Variants in CHST11 observed in about 807,000 individuals in gnomAD.
CHST11 encodes carbohydrate sulfotransferase 11.
CHST11 carries 9 observed loss-of-function variants against 30.4 expected under a neutral mutation model. That is an observed-to-expected ratio of 0.30 (90% confidence interval 0.18 to 0.52). The LOEUF (loss-of-function observed/expected upper bound fraction) is 0.52. CHST11 is among the 20% of genes least tolerant of loss of function. The pLI is 0.97. For missense variants in CHST11, 348 were observed against 460.6 expected (o/e 0.76, Z 2.24); for synonymous variants, 152 against 187.8 (o/e 0.81, Z 1.56).
intron 1 of CHST11, among the ~76,000 whole-genome samples, chr12:104,475,691 T>TATATATATATATATATA (rs6144846): frequency 9.9e-4 from 126 of 127,722 alleles, no homozygotes; most frequent in East Asian, 1.5e-3. Flanking sequence ...TATATATATA[T>TATATATATATATATATA]TTCTGATTAT....
intron 2 of CHST11, among the ~76,000 whole-genome samples, chr12:104,685,280 A>G (rs1246476418): frequency 6.6e-6 from 1 of 152,176 alleles, no homozygotes; most frequent in African/African-American, 2.4e-5. Context: ...TTTTTATTCA[A>G]TTTGGCTTGA....
intron 2 of CHST11, among the ~76,000 whole-genome samples, chr12:104,647,161 GC>G (rs1342017526): frequency 3.3e-5 from 5 of 152,194 alleles, no homozygotes; most frequent in Non-Finnish European, 7.3e-5. Context: ...GCAAGTGGAG[GC>G]TCCTGAAGGT....
chr12:104,730,111 G>C (rs924003219), intron 2 of CHST11, among the ~76,000 whole-genome samples: 3 of 152,210 alleles, frequency 2.0e-5, no homozygotes, highest in African/African-American at 7.2e-5. Context: ...CTAGGGCCTT[G>C]TACTCACTGG....
chr12:104,757,876 AT>A lies in CHST11; in HGVS notation c.*75del. ...TATTTGTCAAAAGAATTATATGGAT[AT>A]TGGGTTATTTTGTAAATTAATATTT... On this transcript the variant is annotated 3_prime_UTR_variant, in exon 3 of 3. Transcript: ENST00000303694. The surrounding 1 kb of genome is among the most constrained non-coding windows in gnomAD (Gnocchi z 6.5). 7.2e-7 allele frequency: 1 copy of A among 1,385,698 alleles called. No individual in the cohort carries two copies. The highest frequency in any genetic ancestry group is 1.4e-5 in the South Asian group (1 of 72,088). 85.8% of individuals were successfully genotyped at this position (1,385,698 alleles called of 1,614,324 possible).
At chr12:104,513,139 T>TGGGGGGGGGGGGGGG (rs1565969846) in intron 1 of CHST11, among the ~76,000 whole-genome samples, 6 of 2,928 alleles carry the variant, frequency 2.0e-3, no homozygotes, top group African/African-American at 4.5e-3. Context: ...GGGGGGGGGT[T>TGGGGGGGGGGGGGGG]GGGGGTGGGG....
At position 104,666,097 on chromosome 12, in the gene CHST11, T is replaced by C. The variant is rs376506353; in HGVS notation, c.204+64106T>C. Among the ~76,000 whole-genome samples, 132 of 152,192 alleles carry C rather than the reference T, an allele frequency of 8.7e-4. 1 individual carries two copies. The highest frequency in any genetic ancestry group is 2.8e-3 in the African/African-American group (115 of 41,522). On this transcript the variant is annotated intron_variant, in intron 2 of 2. Transcript: ENST00000303694. ...CCTCCCAAAGTGCTGGGATTACAGGTGTGAGCCACCGCACCCGGCCTCTTT... is the reference window on the plus strand; with the variant it reads ...CCTCCCAAAGTGCTGGGATTACAGGCGTGAGCCACCGCACCCGGCCTCTTT...
Position 104,483,221 on chromosome 12 carries a change from G to T in CHST11, c.118+25692G>T, listed in dbSNP as rs375630857. ...CTCCCCATGCATTTGGTTGTTTTTT[G>T]TTGAGATGGAGTCTTGCTCTGTCGC... On this transcript the variant is annotated intron_variant, in intron 1 of 2. Coordinates refer to ENST00000303694, the MANE Select transcript of CHST11 (RefSeq NM_018413.6). Among the ~76,000 whole-genome samples the T allele has an allele frequency of 2.6e-5, 4 of 151,954 alleles. No homozygotes were observed. In the East Asian group the frequency reaches 5.8e-4, roughly 22 times the overall value.
chr12:104,548,283 GT>G (rs2038371465), intron 1 of CHST11, among the ~76,000 whole-genome samples: 1 of 152,230 alleles, frequency 6.6e-6, no homozygotes, highest in Non-Finnish European at 1.5e-5. Context: ...GAGAAGTGAT[GT>G]GCTGGTAAAC....
chr12:104,491,466 T>TTC (rs2037745802), intron 1 of CHST11, among the ~76,000 whole-genome samples: 1 of 144,236 alleles, frequency 6.9e-6, no homozygotes, highest in African/African-American at 2.9e-5. Context: ...TCTTCTTCTT[T>TTC]TCTTTTCTTT....
At chr12:104,746,773 C>A (rs2040391644) in intron 2 of CHST11, among the ~76,000 whole-genome samples, 1 of 152,196 alleles carries the variant, frequency 6.6e-6, no homozygotes, top group South Asian at 2.1e-4. Flanking sequence ...CAGGTCCAGA[C>A]CAGATCGTTT....
intron 2 of CHST11, among the ~76,000 whole-genome samples, chr12:104,635,872 A>C (rs764215921): frequency 2.0e-5 from 3 of 152,232 alleles, no homozygotes; most frequent in Non-Finnish European, 4.4e-5. Flanking sequence ...TAATAATTAC[A>C]AATTAAAAAA....
chr12:104,721,315 C>G (rs1300341084), intron 2 of CHST11, among the ~76,000 whole-genome samples: 3 of 152,174 alleles, frequency 2.0e-5, no homozygotes, highest in African/African-American at 7.2e-5. Context: ...CACACAGCCA[C>G]ACACACACCA....
chr12:104,474,019 T>TA (rs1338297380), intron 1 of CHST11, among the ~76,000 whole-genome samples: 1 of 152,064 alleles, frequency 6.6e-6, no homozygotes, highest in Non-Finnish European at 1.5e-5. Context: ...TAATCACAGA[T>TA]ATGCAGCGTG....
At chr12:104,481,133 C>T (rs1593959346) in intron 1 of CHST11, among the ~76,000 whole-genome samples, 1 of 152,286 alleles carries the variant, frequency 6.6e-6, no homozygotes, top group South Asian at 2.1e-4. Flanking sequence ...TGCAAAGGTA[C>T]AGCCTTTCAT....
intron 2 of CHST11, among the ~76,000 whole-genome samples, chr12:104,647,110 A>T (rs1289400520): frequency 6.6e-6 from 1 of 152,238 alleles, no homozygotes; most frequent in Non-Finnish European, 1.5e-5. Flanking sequence ...GGAAGTATTC[A>T]ATAAGATCCT....
chr12:104,688,816 GA>G (rs1447488575), intron 2 of CHST11, among the ~76,000 whole-genome samples: 12 of 152,270 alleles, frequency 7.9e-5, no homozygotes, highest in East Asian at 7.7e-4. Context: ...ATGGACATGG[GA>G]AGATGTCAGT....
At chr12:104,580,633 A>G (rs1046335460) in intron 1 of CHST11, among the ~76,000 whole-genome samples, 20 of 152,262 alleles carry the variant, frequency 1.3e-4, no homozygotes, top group African/African-American at 2.4e-4. Flanking sequence ...TGGGAGCCCA[A>G]TTTTTTCTCT....
chr12:104,679,098 A>G (rs968420304), intron 2 of CHST11, among the ~76,000 whole-genome samples: 5 of 152,154 alleles, frequency 3.3e-5, no homozygotes, highest in African/African-American at 1.2e-4. Context: ...CCACCAACCG[A>G]CCTGTGAGGG....
chr12:104,591,307 C>A (rs1189847015), intron 1 of CHST11, among the ~76,000 whole-genome samples: 1 of 152,028 alleles, frequency 6.6e-6, no homozygotes, highest in East Asian at 1.9e-4. Context: ...GAAGATTATT[C>A]TGGCCGCTGG....
Sources: gnomAD v4.1 joint callset for allele counts (sites outside exome capture counted in the v4.1 genomes callset) on GRCh38, gnomAD v4.1.1 for gene constraint, Gnocchi (gnomAD v3.1) non-coding constraint, MANE v1.5 for transcripts, NCBI Gene and HGNC (gene_info 2026-07-23, HGNC 2026-07-21) for gene names.